The following HIGD1A variants were observed in gnomAD, a reference collection of about 807,000 sequenced individuals.
HIGD1A encodes HIG1 hypoxia inducible domain family member 1A.
A neutral mutation model predicts 11.3 loss-of-function variants in HIGD1A; 8 were observed. The ratio of observed to expected loss-of-function variants is 0.71; its 90% CI spans 0.42 to 1.28. The LOEUF (loss-of-function observed/expected upper bound fraction) is 1.28. Ranked by LOEUF, HIGD1A falls within the 50% of genes most tolerant of loss-of-function variation. The pLI is 0.01. For missense variants in HIGD1A, 107 were observed against 118.8 expected (o/e 0.90, Z 0.46); for synonymous variants, 32 against 38.4 (o/e 0.83, Z 0.62).
intron 3 of HIGD1A, among the ~76,000 whole-genome samples, 173 bp downstream of exon 3, chr3:42,785,855 G>T (rs1374965931): frequency 1.3e-5 from 2 of 151,884 alleles, no homozygotes; most frequent in South Asian, 2.1e-4. Flanking sequence ...ATATATCATA[G>T]AAAAACTATG....
rs567172711 is a variant in HIGD1A, at chr3:42,783,848, G to C, written c.*1423C>G. ...CCTAGCACTTTGGGAGGCCGAGGCA[G>C]GTGGATAACCTGAGGTCAGGAATTC... On this transcript the variant is annotated 3_prime_UTR_variant, in exon 4 of 4. Coordinates refer to ENST00000321331, the MANE Select transcript of HIGD1A (RefSeq NM_014056.4). Among the ~76,000 whole-genome samples the C allele has an allele frequency of 6.6e-6, 1 of 152,216 alleles. No homozygotes were observed. The highest frequency in any genetic ancestry group is 2.4e-5 in the African/African-American group (1 of 41,544).
At chr3:42,794,480 CTAT>C (rs1021247593) in intron 1 of HIGD1A, among the ~76,000 whole-genome samples, 2 of 152,256 alleles carry the variant, frequency 1.3e-5, no homozygotes, top group African/African-American at 4.8e-5. Flanking sequence ...CTTATTCCCC[CTAT>C]TATTTTGCCG....
intron 2 of HIGD1A, 25 bp from the exon 3 acceptor site, chr3:42,786,187 T>G: frequency 6.2e-7 from 1 of 1,613,452 alleles, no homozygotes; most frequent in Non-Finnish European, 8.5e-7. Flanking sequence ...AACAAGTATG[T>G]CAGATGCATG....
At chr3:42,804,355 G>C (rs1303858330) in intron 1 of HIGD1A, 81 bp downstream of exon 1, 1 of 627,508 alleles carries the variant, frequency 1.6e-6, no homozygotes, top group African/African-American at 1.9e-5. Flanking sequence ...AGTCCTTTCG[G>C]CCTGGCCAAG....
At position 42,783,561 on chromosome 3, in the gene HIGD1A, G is replaced by C. The variant is rs1003324653; in HGVS notation, c.*1710C>G. ...AGCTAGGAGGTGGAGGGTGCCGTGA[G>C]CTCAGATCACACCACTGTACTCCAG... On this transcript the variant is annotated 3_prime_UTR_variant, in exon 4 of 4. Transcript: ENST00000321331. Among the ~76,000 whole-genome samples the C allele has an allele frequency of 2.0e-5, 3 of 152,132 alleles. No individual in the cohort carries two copies. The highest frequency in any genetic ancestry group is 7.2e-5 in the African/African-American group (3 of 41,428).
chr3:42,789,865 C>T (rs1387357335), intron 2 of HIGD1A, among the ~76,000 whole-genome samples: 6 of 152,036 alleles, frequency 3.9e-5, no homozygotes, highest in Non-Finnish European at 4.4e-5. Flanking sequence ...GGACTACAGG[C>T]GTGTGGCACC....
intron 2 of HIGD1A, among the ~76,000 whole-genome samples, chr3:42,791,358 T>C (rs1164823026): frequency 2.0e-5 from 3 of 152,206 alleles, no homozygotes; most frequent in East Asian, 1.9e-4. Context: ...AAAACATTAA[T>C]ACCTAAAATA....
intron 2 of HIGD1A, among the ~76,000 whole-genome samples, chr3:42,788,992 T>C (rs1485038782): frequency 1.3e-5 from 2 of 151,752 alleles, no homozygotes. Context: ...TTAAAATGTA[T>C]TAGAATAATA....
chr3:42,804,389 C>G (rs1483407371), intron 1 of HIGD1A, 47 bp downstream of exon 1: 2 of 532,222 alleles, frequency 3.8e-6, no homozygotes, highest in Non-Finnish European at 6.6e-6. Context: ...CTTCCCGCCC[C>G]GCGGCCCGAG....
chr3:42,795,697 C>A (rs1700487380), intron 1 of HIGD1A, among the ~76,000 whole-genome samples: 1 of 150,616 alleles, frequency 6.6e-6, no homozygotes, highest in South Asian at 2.1e-4. Flanking sequence ...AAGATCTAGC[C>A]TGATAGTGTA....
chr3:42,790,918 G>T (rs4399859), intron 2 of HIGD1A, among the ~76,000 whole-genome samples: 145,355 of 152,248 alleles, frequency 0.95, 69,766 homozygotes, highest in East Asian at 1. Flanking sequence ...CTCAAGTGAC[G>T]CTCCTGCCTT....
chr3:42,784,964 T>A lies in HIGD1A; in HGVS notation c.*307A>T. On this transcript the variant is annotated 3_prime_UTR_variant, in exon 4 of 4. Coordinates refer to ENST00000321331, the MANE Select transcript of HIGD1A (RefSeq NM_014056.4). Reference sequence around the variant, plus strand: ...GAGTACCTTCAGGATTGGCCTGTTATCTTCTTTAGAACTAAGTTCATCTTA... The same window carrying A: ...GAGTACCTTCAGGATTGGCCTGTTAACTTCTTTAGAACTAAGTTCATCTTA... The A allele has an allele frequency of 3.2e-6, 1 of 316,848 alleles. No individual in the cohort carries two copies. The highest frequency in any genetic ancestry group is 5.2e-5 in the East Asian group (1 of 19,362). The allele number at this position is 316,848 out of a possible 1,614,324, so 19.6% of individuals were successfully genotyped here.
intron 1 of HIGD1A, among the ~76,000 whole-genome samples, chr3:42,801,838 C>T (rs1312708495): frequency 5.9e-5 from 9 of 152,176 alleles, no homozygotes; most frequent in Non-Finnish European, 2.9e-5. Context: ...CATTTCTAAA[C>T]TAAAAAATCA....
intron 2 of HIGD1A, among the ~76,000 whole-genome samples, chr3:42,791,227 C>T (rs957573283): frequency 1.3e-5 from 2 of 152,132 alleles, no homozygotes; most frequent in Non-Finnish European, 2.9e-5. Flanking sequence ...TAGATTTTGC[C>T]TCATGTCATA....
Position 42,796,133 on chromosome 3 carries a change from G to C in HIGD1A, c.-22-1858C>G, listed in dbSNP as rs139690938. Reference sequence around the variant, plus strand: ...GGCAGTTAAGGTCCTCAACAAAAATGCAACTCCGGAGGGGGTGGTGTGCTT... The same window carrying C: ...GGCAGTTAAGGTCCTCAACAAAAATCCAACTCCGGAGGGGGTGGTGTGCTT... On this transcript the variant is annotated intron_variant, in intron 1 of 3. Transcript: ENST00000321331. 6.8e-3 allele frequency among the ~76,000 whole-genome samples: 1,036 copies of C among 152,260 alleles called. 13 individuals are homozygous for C. Among genetic ancestry groups the C allele is most frequent in the South Asian group, 0.025 (121 of 4,822 alleles).
intron 1 of HIGD1A, among the ~76,000 whole-genome samples, chr3:42,801,651 G>GT (rs1481723448): frequency 6.6e-6 from 1 of 152,142 alleles, no homozygotes; most frequent in Non-Finnish European, 1.5e-5. Flanking sequence ...CTAACTGTAT[G>GT]TACCTAAGTG....
rs1457296401 is a variant in HIGD1A at position 42,796,910 on chromosome 3, G to C, written c.-22-2635C>G. 8.9e-3 allele frequency among the ~76,000 whole-genome samples: 4 copies of C among 448 alleles called. 1 individual carries two copies. The highest frequency in any genetic ancestry group is 9.2e-3 in the African/African-American group (4 of 436). 0.3% of individuals were successfully genotyped at this position (448 alleles called of 152,430 possible). ...CCTCTCCCTCTCCCTCTCCCTCTCCGTCTCCCTCTCCGTCTCCCTCTCCCT... is the reference window on the plus strand; with the variant it reads ...CCTCTCCCTCTCCCTCTCCCTCTCCCTCTCCCTCTCCGTCTCCCTCTCCCT... On this transcript the variant is annotated intron_variant, in intron 1 of 3. Transcript: ENST00000321331.
At position 42,786,089 on chromosome 3, in the gene HIGD1A, G is replaced by A. The variant is rs1000608613; in HGVS notation, c.171C>T (p.Ser57=). ...CCACACGCATGTGGATCAGATGAAT[G>A]GACATTTTAGTATTTCCCCTGCTCT... ...KLKSRGNTKM[S]IHLIHMRVAA... is the part of the protein sequence containing the mutation. The change falls in exon 3 of 4, where the codon TCC becomes TCT. Residue 57 remains serine (S), a synonymous_variant. Coordinates refer to ENST00000321331, the MANE Select transcript of HIGD1A (RefSeq NM_014056.4). 2 of 1,613,546 alleles carry A rather than the reference G, an allele frequency of 1.2e-6. No individual in the cohort carries two copies. The highest frequency in any genetic ancestry group is 1.7e-6 in the Non-Finnish European group (2 of 1,179,832).
At chr3:42,787,590 C>CAAA (rs375399059) in intron 2 of HIGD1A, among the ~76,000 whole-genome samples, 32,782 of 115,576 alleles carry the variant, frequency 0.28, 5,449 homozygotes, top group African/African-American at 0.4. Context: ...GACTCCATCT[C>CAAA]AAAAATATAT....
Sources: gnomAD v4.1 joint callset for allele counts (sites outside exome capture counted in the v4.1 genomes callset) on GRCh38, gnomAD v4.1.1 for gene constraint, MANE v1.5 for transcripts, NCBI Gene and HGNC (gene_info 2026-07-23, HGNC 2026-07-21) for gene names.